ZNF514: variants seen among roughly 807,000 people sequenced by gnomAD.
ZNF514 encodes zinc finger protein 514.
ZNF514 carries 12 observed loss-of-function variants against 9.7 expected under a neutral mutation model. The observed-to-expected ratio is 1.24, with a 90% CI of 0.79 to 2.01. The LOEUF (loss-of-function observed/expected upper bound fraction) is 2.01. Among genes scored for constraint, ZNF514 ranks in the 30% most tolerant of loss-of-function variants. The pLI is 0.00. For synonymous variants in ZNF514, 158 were observed against 163.7 expected (o/e 0.97, Z 0.27); for missense variants, 467 against 465.5 (o/e 1.00, Z -0.03).
rs1673718447 is a variant in ZNF514, at chr2:95,157,440, C to A, written c.-95-1G>T. On this transcript the variant is annotated splice_acceptor_variant, in intron 1 of 4. Coordinates refer to ENST00000295208, the MANE Select transcript of ZNF514 (RefSeq NM_032788.3). LOFTEE classifies it low-confidence loss of function (5UTR_SPLICE). Reference sequence around the variant, plus strand: ...AGAGCAGGATTCTGAGAAGGGGAAGCTGGGAAGGTAGAAGGAGACATAAGG... The same window carrying A: ...AGAGCAGGATTCTGAGAAGGGGAAGATGGGAAGGTAGAAGGAGACATAAGG... 1 of 1,289,198 alleles carries A rather than the reference C, an allele frequency of 7.8e-7. No homozygotes were observed. The highest frequency in any genetic ancestry group is 1.0e-6 in the Non-Finnish European group (1 of 988,506). 79.9% of individuals were successfully genotyped at this position (1,289,198 alleles called of 1,614,324 possible). A position where few individuals can be genotyped will look rare whatever the true frequency, so the allele number is the denominator to read the frequency against.
At chr2:95,142,095 G>T (rs774336347), downstream of ZNF514, among the ~76,000 whole-genome samples, 2 of 151,916 alleles carry the variant, frequency 1.3e-5, no homozygotes, top group Non-Finnish European at 2.9e-5. Context: ...TTTCATTTTT[G>T]TTATAGTTGT....
chr2:95,143,161 C>T (rs1356034892), downstream of ZNF514, among the ~76,000 whole-genome samples: 1 of 152,176 alleles, frequency 6.6e-6, no homozygotes, highest in Non-Finnish European at 1.5e-5. Context: ...GAACAATCTC[C>T]AAGTGGTGAA....
intron 2 of ZNF514, 33 bp downstream of exon 2, chr2:95,157,318 G>A (rs1442695044): frequency 8.0e-7 from 1 of 1,255,166 alleles, no homozygotes; most frequent in South Asian, 1.2e-5. Flanking sequence ...CCATCGTTCA[G>A]GCATTTGAGG....
At chr2:95,130,244 G>A in the ZNF514 span, among the ~76,000 whole-genome samples, 12 of 152,262 alleles carry the variant, frequency 7.9e-5, no homozygotes, top group African/African-American at 2.9e-4. Context: ...AGGTGTGGGT[G>A]ACAGACACCA....
the ZNF514 span, among the ~76,000 whole-genome samples, chr2:95,123,930 T>C: frequency 2.0e-5 from 3 of 152,188 alleles, no homozygotes; most frequent in African/African-American, 7.2e-5. Flanking sequence ...GTTGCAAAAA[T>C]AGTACAGAGA....
chr2:95,143,644 T>C (rs1673296803), downstream of ZNF514, among the ~76,000 whole-genome samples: 1 of 152,086 alleles, frequency 6.6e-6, no homozygotes, highest in African/African-American at 2.4e-5. Flanking sequence ...AAAATAAAAA[T>C]AAAGAACTTG....
chr2:95,151,340 A>T (rs1464112464), intron 4 of ZNF514, among the ~76,000 whole-genome samples: 3 of 152,218 alleles, frequency 2.0e-5, no homozygotes, highest in Non-Finnish European at 4.4e-5. Flanking sequence ...TCAGTCAAGT[A>T]ATCTGGCAGT....
rs1193115954 is a variant in ZNF514, at chr2:95,149,959, C to G, written c.526G>C (p.Glu176Gln). 1.2e-6 allele frequency: 2 copies of G among 1,614,232 alleles called. No individual in the cohort carries two copies. Among genetic ancestry groups the G allele is most frequent in the Non-Finnish European group, 1.7e-6 (2 of 1,180,036 alleles). The change falls in exon 5 of 5, where the codon GAA becomes CAA. Residue 176 changes from glutamate (E) to glutamine (Q), a missense_variant. By Grantham distance (29) the Glu-to-Gln change is conservative (BLOSUM62 2). Transcript: ENST00000295208. The part of the protein sequence containing the change: ...LVNQHSILMG[E>Q]GSYKCDTEFR... Reference sequence around the variant, plus strand: ...TCTGTATCACATTTATAAGATCCTTCTCCCATGAGAATGCTGTGTTGGTTA... The same window carrying G: ...TCTGTATCACATTTATAAGATCCTTGTCCCATGAGAATGCTGTGTTGGTTA...
At chr2:95,132,001 G>C in the ZNF514 span, among the ~76,000 whole-genome samples, 1 of 151,934 alleles carries the variant, frequency 6.6e-6, no homozygotes, top group Non-Finnish European at 1.5e-5. Flanking sequence ...AAATTAGCCA[G>C]GCATGGTGTC....
rs1387000171 is a variant in ZNF514, at chr2:95,149,912, T to C, written c.573A>G (p.Gly191=). Residue 191 remains glycine (G), a synonymous_variant, in exon 5 of 5, where the codon GGA becomes GGG. Transcript: ENST00000295208. ...CTGGGTGGGTTCTCTGAGAGTTGTTTCCCCCTAAAGTCTGCCTGAATTCTG... is the reference window on the plus strand; with the variant it reads ...CTGGGTGGGTTCTCTGAGAGTTGTTCCCCCCTAAAGTCTGCCTGAATTCTG... ...CDTEFRQTLG[G]NNSQRTHPEK... 1 of 1,614,220 alleles carries C rather than the reference T, an allele frequency of 6.2e-7. No individual in the cohort carries two copies. The highest frequency in any genetic ancestry group is 8.5e-7 in the Non-Finnish European group (1 of 1,180,030).
chr2:95,156,812 C>T (rs1673698620), intron 2 of ZNF514, among the ~76,000 whole-genome samples: 1 of 152,168 alleles, frequency 6.6e-6, no homozygotes, highest in Non-Finnish European at 1.5e-5. Context: ...AAGTGTGCCT[C>T]CTCCCTTATC....
downstream of ZNF514, among the ~76,000 whole-genome samples, chr2:95,144,175 G>C (rs1418926260): frequency 6.6e-6 from 1 of 152,324 alleles, no homozygotes; most frequent in East Asian, 1.9e-4. Flanking sequence ...CTGTGTGTCA[G>C]TGTACTTTAT....
chr2:95,135,799 C>T, the ZNF514 span, among the ~76,000 whole-genome samples: 3 of 151,862 alleles, frequency 2.0e-5, no homozygotes, highest in Admixed American at 6.6e-5. Context: ...TGGCCAGGCA[C>T]GGTGGCTCAT....
chr2:95,137,688 A>AAATTTTC, the ZNF514 span, among the ~76,000 whole-genome samples: 1 of 152,188 alleles, frequency 6.6e-6, no homozygotes, highest in Non-Finnish European at 1.5e-5. Flanking sequence ...AATGGGGTTG[A>AAATTTTC]AGCATTTCCT....
chr2:95,143,991 C>G (rs1673305388), downstream of ZNF514, among the ~76,000 whole-genome samples: 1 of 152,168 alleles, frequency 6.6e-6, no homozygotes, highest in Non-Finnish European at 1.5e-5. Context: ...CTTGGGAAGT[C>G]CACAGTGTCA....
chr2:95,159,680 A>AGCCCCCGCGTCC lies in ZNF514; in HGVS notation c.-548_-537dup, dbSNP rs1491583665. ...CAGCCCCCGCCCGCCACCCCGCGCC[A>AGCCCCCGCGTCC]GCCCCCGCGTCCGCCCCGCGCCAGC... On this transcript the variant is annotated 5_prime_UTR_variant, in exon 1 of 5. Coordinates refer to ENST00000295208, the MANE Select transcript of ZNF514 (RefSeq NM_032788.3). 5 of 77,246 alleles carry AGCCCCCGCGTCC rather than the reference A, an allele frequency of 6.5e-5. No homozygotes were observed. Among genetic ancestry groups the AGCCCCCGCGTCC allele is most frequent in the African/African-American group, 2.8e-4 (5 of 18,020 alleles). The allele number at this position is 77,246 out of a possible 1,614,324, so 4.8% of individuals were successfully genotyped here. A position where few individuals can be genotyped will look rare whatever the true frequency, so the allele number is the denominator to read the frequency against.
the ZNF514 span, among the ~76,000 whole-genome samples, chr2:95,129,060 G>A: frequency 2.0e-5 from 3 of 152,272 alleles, no homozygotes; most frequent in African/African-American, 4.8e-5. Context: ...CTACACTTCC[G>A]TCAGTCTACG....
intron 2 of ZNF514, chr2:95,154,130 T>A (rs887070707): frequency 1.3e-5 from 2 of 152,220 alleles, no homozygotes; most frequent in African/African-American, 4.8e-5. Context: ...CTGCCCCAGG[T>A]GGGGCGATGT....
chr2:95,155,148 C>CTT (rs1673655474), intron 2 of ZNF514: 3 of 152,216 alleles, frequency 2.0e-5, no homozygotes, highest in African/African-American at 7.2e-5. Flanking sequence ...GGCCACCAAC[C>CTT]TACTCCAGCA....
Sources: gnomAD v4.1 joint callset for allele counts (sites outside exome capture counted in the v4.1 genomes callset) on GRCh38, gnomAD v4.1.1 for gene constraint, MANE v1.5 for transcripts, NCBI Gene and HGNC (gene_info 2026-07-23, HGNC 2026-07-21) for gene names.